Variants in PRDM5 observed in about 807,000 individuals in gnomAD.
The protein encoded by PRDM5 is PR/SET domain 5, also known as PR domain zinc finger protein 5.
In PRDM5, 56 loss-of-function variants were observed where a neutral mutation model predicts 81.2. The observed-to-expected ratio is 0.69, with a 90% confidence interval of 0.56 to 0.86. The LOEUF is 0.86. PRDM5 is among the 40% of genes least tolerant of loss of function. PRDM5 has a pLI of 0.00. For synonymous variants in PRDM5, 267 were observed against 256.4 expected, an observed-to-expected ratio of 1.04 and a Z score of -0.39; for missense variants, 697 against 770.1, an observed-to-expected ratio of 0.91 and a Z score of 1.12.
intron 2 of PRDM5, among the ~76,000 whole-genome samples, chr4:120,905,718 A>C: frequency 6.6e-6 from 1 of 152,078 alleles, no homozygotes; most frequent in East Asian, 1.9e-4. Flanking sequence ...CCTTGGTTCT[A>C]TTTCTCTGAA....
Position 120,742,241 on chromosome 4 carries a change from A to G in PRDM5, c.1623+12312T>C, listed in dbSNP as rs546430891. ...GTCTTGTCTGTTAGAAGGAAAACTA[A>G]CAAACAGAAAGGACATCCACACCAA... On this transcript the variant is annotated intron_variant, in intron 14 of 15. Transcript: ENST00000264808. Among the ~76,000 whole-genome samples the G allele has an allele frequency of 2.4e-4, 36 of 152,332 alleles. No individual in the cohort carries two copies. The South Asian group carries it at 7.5e-3, about 32-fold the overall frequency.
In PRDM5 at chr4:120,853,450, A is replaced by T. The variant is rs1759514720; in HGVS notation, c.268T>A (p.Ser90Thr). 8 of 1,613,770 alleles carry T rather than the reference A, an allele frequency of 5.0e-6. No individual in the cohort carries two copies. The highest frequency in any genetic ancestry group is 6.8e-6 in the Non-Finnish European group (8 of 1,179,736). ...NWLRFVHEAP[S>T]QEQKNLAAIQ... Reference sequence around the variant, plus strand: ...GCAGCCAAGTTCTTCTGCTCCTGAGATGGTGCCTCATGAACGAAGCGAAGC... The same window carrying T: ...GCAGCCAAGTTCTTCTGCTCCTGAGTTGGTGCCTCATGAACGAAGCGAAGC... Residue 90 changes from serine to threonine, a missense_variant, in exon 3 of 16, where the codon TCT (serine) becomes ACT (threonine). Around this residue, in one of 3 missense-constraint regions of PRDM5, gnomAD observed 577 missense variants for 606.7 expected, o/e 0.95. Coordinates refer to ENST00000264808, the MANE Select transcript of PRDM5 (RefSeq NM_018699.4).
chr4:120,697,513 A>T (rs76269120), intron 15 of PRDM5, among the ~76,000 whole-genome samples: 2,114 of 151,964 alleles, frequency 0.014, 47 homozygotes, highest in African/African-American at 0.047. Flanking sequence ...TAAAAATATT[A>T]ATCTTTTTTT....
At chr4:120,837,769 G>C (rs1391518569) in intron 3 of PRDM5, 1 of 152,194 alleles carries the variant, frequency 6.6e-6, no homozygotes, top group East Asian at 1.9e-4. Context: ...GAGAAGTGTA[G>C]GGTTAACTCA....
chr4:120,849,929 G>A (rs1053274319), intron 3 of PRDM5, among the ~76,000 whole-genome samples: 3 of 152,068 alleles, frequency 2.0e-5, no homozygotes, highest in Non-Finnish European at 4.4e-5. Context: ...TGAACATACA[G>A]TTAAATGATT....
At chr4:120,819,072 T>C (rs1246553958) in intron 4 of PRDM5, among the ~76,000 whole-genome samples, 1 of 152,236 alleles carries the variant, frequency 6.6e-6, no homozygotes, top group Non-Finnish European at 1.5e-5. Context: ...CATTTGTTTC[T>C]GATTATAAAA....
intron 13 of PRDM5, 36 bp from the exon 14 acceptor site, chr4:120,754,674 T>C: frequency 7.1e-7 from 1 of 1,411,612 alleles, no homozygotes; most frequent in Non-Finnish European, 1.0e-6. Context: ...CAGAAAAACA[T>C]GAAGTAGCAG....
At chr4:120,746,839 C>T (rs1743157339) in intron 14 of PRDM5, among the ~76,000 whole-genome samples, 1 of 145,566 alleles carries the variant, frequency 6.9e-6, no homozygotes, top group African/African-American at 2.6e-5. Flanking sequence ...GTTGGTGGGA[C>T]TGTAAACTAC....
chr4:120,848,620 T>C (rs535474578), intron 3 of PRDM5, among the ~76,000 whole-genome samples: 4 of 152,330 alleles, frequency 2.6e-5, no homozygotes, highest in African/African-American at 9.6e-5. Flanking sequence ...TCAGTAAGTG[T>C]TAGCTGCCAT....
chr4:120,689,161 T>G (rs978525818), downstream of PRDM5, among the ~76,000 whole-genome samples: 1 of 152,186 alleles, frequency 6.6e-6, no homozygotes, highest in Non-Finnish European at 1.5e-5. Context: ...CTTAGTCTAA[T>G]AGTATCTTAA....
chr4:120,913,247 C>T (rs1016149634), intron 1 of PRDM5, among the ~76,000 whole-genome samples: 1 of 152,226 alleles, frequency 6.6e-6, no homozygotes, highest in Non-Finnish European at 1.5e-5. Flanking sequence ...AATCCTGTTT[C>T]TCCCTACCTG....
In PRDM5 at chr4:120,816,509, C is replaced by T. The variant is rs1279951147; in HGVS notation, c.809G>A (p.Gly270Glu). Residue 270 changes from glycine (G) to glutamate (E), a missense_variant, in exon 7 of 16, where the codon GGA (glycine) becomes GAA (glutamate). Coordinates refer to ENST00000264808, the MANE Select transcript of PRDM5 (RefSeq NM_018699.4). ...GGCATCCTTGCTCTTCAGCCTCTTTCCACAGCTGTCAGCCTTGCACACAAA... is the reference window on the plus strand; with the variant it reads ...GGCATCCTTGCTCTTCAGCCTCTTTTCACAGCTGTCAGCCTTGCACACAAA... ...ARFVCKADSC[G>E]KRLKSKDALK... 2 of 1,614,200 alleles carry T rather than the reference C, an allele frequency of 1.2e-6. No homozygotes were observed. The highest frequency in any genetic ancestry group is 1.7e-6 in the Non-Finnish European group (2 of 1,180,034).
At chr4:120,827,146 G>A (rs939989200) in intron 3 of PRDM5, among the ~76,000 whole-genome samples, 10 of 152,220 alleles carry the variant, frequency 6.6e-5, no homozygotes, top group African/African-American at 2.4e-4. Flanking sequence ...AATGCATTCT[G>A]ATAAGAAAAG....
chr4:120,791,602 G>A (rs1750581272), intron 10 of PRDM5, among the ~76,000 whole-genome samples: 2 of 152,116 alleles, frequency 1.3e-5, no homozygotes, highest in African/African-American at 4.8e-5. Context: ...CTCAGCCTCA[G>A]GACACTGAGT....
intron 13 of PRDM5, among the ~76,000 whole-genome samples, chr4:120,771,425 A>G (rs1035901660): frequency 4.6e-5 from 7 of 152,154 alleles, no homozygotes; most frequent in African/African-American, 1.7e-4. Flanking sequence ...ACCACCAAAA[A>G]TATTTTTTCA....
intron 2 of PRDM5, among the ~76,000 whole-genome samples, chr4:120,859,462 C>T (rs1488214043): frequency 1.3e-5 from 2 of 152,096 alleles, no homozygotes; most frequent in Non-Finnish European, 2.9e-5. Flanking sequence ...TGGGCTCAAA[C>T]AATCCTCCTG....
intron 13 of PRDM5, among the ~76,000 whole-genome samples, chr4:120,757,089 A>G (rs1265407172): frequency 6.6e-6 from 1 of 152,218 alleles, no homozygotes; most frequent in Non-Finnish European, 1.5e-5. Context: ...ATTTCCTTTC[A>G]TAACAGCCAA....
chr4:120,822,669 T>C (rs76922372), intron 3 of PRDM5, among the ~76,000 whole-genome samples: 5,840 of 152,206 alleles, frequency 0.038, 370 homozygotes, highest in African/African-American at 0.13. Context: ...TTGTCTTAGT[T>C]TGGGAGGGCT....
In PRDM5 at chr4:120,799,762, A is replaced by G; in HGVS notation, c.946-17T>C. ...CTCATGAATCTGCAAAAGGTTAAAT[A>G]GACAGTTAAATCAACTGTCAAAGCC... On this transcript the variant is annotated splice_polypyrimidine_tract_variant and intron_variant, in intron 8 of 15. Coordinates refer to ENST00000264808, the MANE Select transcript of PRDM5 (RefSeq NM_018699.4). 1 of 1,608,392 alleles carries G rather than the reference A, an allele frequency of 6.2e-7. No homozygotes were observed. The highest frequency in any genetic ancestry group is 8.5e-7 in the Non-Finnish European group (1 of 1,176,512).
Sources: allele counts gnomAD v4.1 joint callset (sites outside exome capture counted in the v4.1 genomes callset), GRCh38; gene constraint gnomAD v4.1.1; regional missense constraint gnomAD v4.1.1; transcripts MANE v1.5; gene names NCBI Gene and HGNC (gene_info 2026-07-23, HGNC 2026-07-21).